Variants in CCDC134 observed in about 807,000 individuals in gnomAD.
CCDC134 encodes the protein coiled-coil domain containing 134.
Under a neutral mutation model 25.6 loss-of-function variants are expected in CCDC134, and 27 were observed. The observed-to-expected ratio is 1.05, with a 90% CI of 0.78 to 1.45. The LOEUF is 1.45. CCDC134 is among the 40% of genes most tolerant of loss of function. The pLI, the probability that CCDC134 is intolerant of heterozygous loss-of-function variation, is 0.00. For synonymous variants in CCDC134, 110 were observed against 115.0 expected (o/e 0.96, Z 0.28); for missense variants, 261 against 286.7 (o/e 0.91, Z 0.65).
intron 3 of CCDC134, 63 bp from the exon 4 acceptor site, chr22:41,810,139 TAAATG>T: frequency 3.8e-6 from 6 of 1,595,636 alleles, no homozygotes; most frequent in African/African-American, 1.3e-5. Flanking sequence ...GGGGTTTAAA[TAAATG>T]GGGATGGGAG....
chr22:41,809,721 T>C (rs1004869101), intron 2 of CCDC134, among the ~76,000 whole-genome samples, 158 bp from the exon 3 acceptor site: 3 of 152,200 alleles, frequency 2.0e-5, no homozygotes, highest in Non-Finnish European at 4.4e-5. Context: ...TGCAGGTCCA[T>C]GCACTTGTCA....
intron 6 of CCDC134, among the ~76,000 whole-genome samples, chr22:41,820,200 A>G (rs1041795529): frequency 6.6e-6 from 1 of 150,624 alleles, no homozygotes; most frequent in Non-Finnish European, 1.5e-5. Flanking sequence ...GTTTCACCAT[A>G]TTAGCCAGGA....
intron 1 of CCDC134, among the ~76,000 whole-genome samples, chr22:41,803,080 C>T (rs1199931812): frequency 2.6e-5 from 4 of 151,974 alleles, no homozygotes; most frequent in Non-Finnish European, 5.9e-5. Context: ...CACCATTGCA[C>T]TCCAGCCTGG....
intron 4 of CCDC134, among the ~76,000 whole-genome samples, chr22:41,810,609 C>T (rs896543749): frequency 1.3e-4 from 19 of 149,940 alleles, no homozygotes; most frequent in Admixed American, 2.0e-4. Flanking sequence ...GATTCTCCTG[C>T]CTCAGCCTCC....
chr22:41,818,038 G>T (rs2076631372), intron 6 of CCDC134, among the ~76,000 whole-genome samples: 1 of 152,156 alleles, frequency 6.6e-6, no homozygotes, highest in South Asian at 2.1e-4. Context: ...TGGTTCAATA[G>T]GAGGATTCAC....
rs1426535021 is a variant in CCDC134, at chr22:41,827,155, C to G, written c.*1332C>G. 6.6e-6 allele frequency among the ~76,000 whole-genome samples: 1 copy of G among 152,196 alleles called. No homozygotes were observed. The highest frequency in any genetic ancestry group is 1.5e-5 in the Non-Finnish European group (1 of 68,046). On this transcript the variant is annotated 3_prime_UTR_variant, in exon 7 of 7. Coordinates refer to ENST00000255784, the MANE Select transcript of CCDC134 (RefSeq NM_024821.5). ...GCCTTAGAGAAGCCTCATGGAAGGG[C>G]CCAGAACATCCTGCACCCATCAGTT...
rs371938244 is a variant in CCDC134 at position 41,810,727 on chromosome 22, C to T, written c.310+436C>T. Reference sequence around the variant, plus strand: ...GCCAGGATGGTCTCGATCTCTTGACCTCATGATCCGCCCACCTCGGCCTCC... The same window carrying T: ...GCCAGGATGGTCTCGATCTCTTGACTTCATGATCCGCCCACCTCGGCCTCC... On this transcript the variant is annotated intron_variant, in intron 4 of 6. Transcript: ENST00000255784. Among the ~76,000 whole-genome samples the T allele has an allele frequency of 1.2e-3, 187 of 152,168 alleles. 1 individual carries two copies. The highest frequency in any genetic ancestry group is 4.3e-3 in the African/African-American group (177 of 41,536).
rs199986618 is a variant in CCDC134 at position 41,825,752 on chromosome 22, CGAAA to C, written c.626_629del (p.Lys209ArgfsTer73). 5 of 1,614,040 alleles carry C rather than the reference CGAAA, an allele frequency of 3.1e-6. No individual in the cohort carries two copies. The highest frequency in any genetic ancestry group is 1.1e-5 in the South Asian group (1 of 91,072). Reference sequence around the variant, plus strand: ...GGCCCTGAGAGAAGAAGAGAAACGCCGAAAGAAAGAGGAGAAGCGGAAGGAGATC... The same window carrying C: ...GGCCCTGAGAGAAGAAGAGAAACGCCGAAAGAGGAGAAGCGGAAGGAGATC... On this transcript the variant is annotated frameshift_variant, in exon 7 of 7. Coordinates refer to ENST00000255784, the MANE Select transcript of CCDC134 (RefSeq NM_024821.5). LOFTEE classifies it high-confidence loss of function. This position sits in a 1 kb window ranked among gnomAD's most constrained non-coding sequence, Gnocchi z 4.4.
At chr22:41,811,610 G>A (rs909332859) in intron 4 of CCDC134, among the ~76,000 whole-genome samples, 3 of 152,052 alleles carry the variant, frequency 2.0e-5, no homozygotes, top group African/African-American at 7.3e-5. Flanking sequence ...TGTATTTTTA[G>A]TAGAGATGGG....
Position 41,828,216 on chromosome 22 carries a change from C to T in CCDC134, c.*2393C>T, listed in dbSNP as rs1426614914. ...GCAACTTGGGACCAGCCTGGGCTGT[C>T]TCTTGCCAGCTGTTGTTATCAGAAC... is the stretch of plus-strand genomic sequence containing the variant. On this transcript the variant is annotated 3_prime_UTR_variant, in exon 7 of 7. Coordinates refer to ENST00000255784, the MANE Select transcript of CCDC134 (RefSeq NM_024821.5). Among the ~76,000 whole-genome samples the T allele has an allele frequency of 6.6e-6, 1 of 152,144 alleles. No individual in the cohort carries two copies. The highest frequency in any genetic ancestry group is 1.5e-5 in the Non-Finnish European group (1 of 68,030).
At chr22:41,824,342 T>C (rs1021126746) in intron 6 of CCDC134, among the ~76,000 whole-genome samples, 1 of 151,234 alleles carries the variant, frequency 6.6e-6, no homozygotes, top group African/African-American at 2.4e-5. Flanking sequence ...AACATAAAGG[T>C]GGGGGATATG....
intron 6 of CCDC134, among the ~76,000 whole-genome samples, chr22:41,822,034 C>T (rs2076654881): frequency 6.6e-6 from 1 of 152,032 alleles, no homozygotes; most frequent in Non-Finnish European, 1.5e-5. Context: ...GCACGGAGGG[C>T]CTGCTCGTGG....
intron 1 of CCDC134, among the ~76,000 whole-genome samples, chr22:41,807,561 CA>C (rs34676090): frequency 2.4e-3 from 312 of 132,024 alleles, no homozygotes; most frequent in Non-Finnish European, 3.0e-3. Flanking sequence ...GACCCTGTCT[CA>C]AAAAAAAAAA....
chr22:41,820,822 A>G (rs1250901541), intron 6 of CCDC134, among the ~76,000 whole-genome samples: 2 of 152,134 alleles, frequency 1.3e-5, no homozygotes, highest in Admixed American at 6.5e-5. Context: ...GTAGCTGGAT[A>G]TTTGACTCGA....
intron 6 of CCDC134, among the ~76,000 whole-genome samples, chr22:41,822,020 G>A (rs1188895052): frequency 1.3e-5 from 2 of 152,126 alleles, no homozygotes; most frequent in Non-Finnish European, 2.9e-5. Context: ...CTGGATTGCC[G>A]GCAGCACGGA....
rs372225468 is a variant in CCDC134, at chr22:41,819,982, T to C, written c.565-5716T>C. Among the ~76,000 whole-genome samples the C allele has an allele frequency of 4.0e-3, 419 of 104,158 alleles. 2 individuals carry two copies. Among genetic ancestry groups the C allele is most frequent in the Admixed American group, 9.8e-3 (73 of 7,458 alleles). 68.3% of individuals were successfully genotyped at this position (104,158 alleles called of 152,430 possible). A position where few individuals can be genotyped will look rare whatever the true frequency, so the allele number is the denominator to read the frequency against. ...ACCACTTTATATATATATATATATATATATATATATATATATAATTTTTTT... is the reference window on the plus strand; with the variant it reads ...ACCACTTTATATATATATATATATACATATATATATATATATAATTTTTTT... On this transcript the variant is annotated intron_variant, in intron 6 of 6. Coordinates refer to ENST00000255784, the MANE Select transcript of CCDC134 (RefSeq NM_024821.5).
chr22:41,805,761 C>A lies in CCDC134; in HGVS notation c.-16-3114C>A, dbSNP rs554795435. The stretch of plus-strand genomic sequence containing the variant: ...CCTAGGCAATATAGCAAGATCCTAC[C>A]TCTACAAAAAGATTTTAAAAATTAT... On this transcript the variant is annotated intron_variant, in intron 1 of 6. Transcript: ENST00000255784. Among the ~76,000 whole-genome samples the A allele has an allele frequency of 2.0e-5, 3 of 152,218 alleles. No homozygotes were observed. The South Asian group carries it at 6.2e-4, about 32-fold the overall frequency.
chr22:41,816,418 A>C (rs547948531), intron 6 of CCDC134, among the ~76,000 whole-genome samples: 4 of 152,244 alleles, frequency 2.6e-5, no homozygotes, highest in Non-Finnish European at 4.4e-5. Context: ...TGATGGCATT[A>C]GACACAGCAG....
chr22:41,804,970 T>C (rs187831144), intron 1 of CCDC134, among the ~76,000 whole-genome samples: 160 of 152,312 alleles, frequency 1.1e-3, no homozygotes, highest in African/African-American at 3.5e-3. Flanking sequence ...CTGGGGAGGC[T>C]GAGGCGCAAG....
Sources: allele counts gnomAD v4.1 joint callset (sites outside exome capture counted in the v4.1 genomes callset), GRCh38; gene constraint gnomAD v4.1.1; non-coding constraint Gnocchi (gnomAD v3.1); transcripts MANE v1.5; gene names NCBI Gene and HGNC (gene_info 2026-07-23, HGNC 2026-07-21).